USP10: variants seen among roughly 807,000 people sequenced by gnomAD.
USP10 encodes ubiquitin specific peptidase 10, also known as ubiquitin carboxyl-terminal hydrolase 10.
A neutral mutation model predicts 84.5 loss-of-function variants in USP10; 22 were observed. That is an observed-to-expected ratio of 0.26 (90% CI 0.19 to 0.37). The LOEUF (loss-of-function observed/expected upper bound fraction) is 0.37. Ranked by LOEUF, USP10 falls within the 10% of genes least tolerant of loss-of-function variation. USP10 has a pLI of 1.00. For synonymous variants in USP10, 454 were observed against 387.6 expected, an observed-to-expected ratio of 1.17 and a Z score of -2.01; for missense variants, 1,019 against 998.9, an observed-to-expected ratio of 1.02 and a Z score of -0.27.
In USP10 at chr16:84,766,729, A is replaced by G. The variant is rs74925684; in HGVS notation, c.1833-1464A>G. On this transcript the variant is annotated intron_variant, in intron 10 of 13. Transcript: ENST00000219473. ...GGCTCAGATTGAACAGCTCTGTCAC[A>G]GCTGCTAGCCACATCCTCTGAGGGG... Among the ~76,000 whole-genome samples the G allele has an allele frequency of 4.1e-3, 626 of 152,346 alleles. 5 individuals are homozygous for G. Among genetic ancestry groups the G allele is most frequent in the African/African-American group, 0.014 (593 of 41,586 alleles).
rs1402543205 is a variant in USP10 at position 84,778,968 on chromosome 16, C to G, written c.2283C>G (p.Gly761=). The change falls in exon 14 of 14, where the codon GGC becomes GGG. Residue 761 remains glycine (G), a synonymous_variant. Transcript: ENST00000219473. ...TTDVFQIGLN[G]WLRIDDQTVK... is the part of the protein sequence containing the mutation. ...ACGTCTTCCAGATCGGTCTGAATGG[C>G]TGGCTGCGCATCGATGACCAGACAG... 6.2e-7 allele frequency: 1 copy of G among 1,613,932 alleles called. No individual in the cohort carries two copies. Among genetic ancestry groups the G allele is most frequent in the East Asian group, 2.2e-5 (1 of 44,902 alleles).
rs546799570 is a variant in USP10 at position 84,762,981 on chromosome 16, CT to C, written c.1555-4del. 471 of 1,593,806 alleles carry C rather than the reference CT, an allele frequency of 3.0e-4. 1 individual carries two copies. The African/African-American group carries it at 5.4e-3, about 18-fold the overall frequency. On this transcript the variant is annotated splice_polypyrimidine_tract_variant and splice_region_variant and intron_variant, in intron 8 of 13. Transcript: ENST00000219473. ...TCACAGTAACGTGATTATATTTGACCTTTTCAGGGTCGACAAGAAGATGCTG... is the reference window on the plus strand; with the variant it reads ...TCACAGTAACGTGATTATATTTGACCTTTCAGGGTCGACAAGAAGATGCTG...
At chr16:84,740,497 A>G in intron 3 of USP10, 128 bp downstream of exon 3, 1 of 742,244 alleles carries the variant, frequency 1.3e-6, no homozygotes, top group Non-Finnish European at 2.2e-6. Flanking sequence ...TTTGCTGTAA[A>G]CTGTAATGTA....
intron 1 of USP10, among the ~76,000 whole-genome samples, chr16:84,713,267 C>G (rs1906544579): frequency 6.6e-6 from 1 of 152,140 alleles, no homozygotes; most frequent in South Asian, 2.1e-4. Flanking sequence ...TTGTCTGTCC[C>G]CGAGACCCTC....
chr16:84,771,541 A>G (rs1914452027), intron 11 of USP10, among the ~76,000 whole-genome samples: 1 of 152,158 alleles, frequency 6.6e-6, no homozygotes, highest in African/African-American at 2.4e-5. Context: ...TACTGGTATC[A>G]GTTTTATCAA....
intron 1 of USP10, among the ~76,000 whole-genome samples, chr16:84,717,212 C>G (rs1397175674): frequency 1.3e-5 from 2 of 151,866 alleles, no homozygotes; most frequent in African/African-American, 2.4e-5. Flanking sequence ...CTGTGAAGTT[C>G]TGAAATCATA....
chr16:84,707,276 G>T (rs982799880), intron 1 of USP10, among the ~76,000 whole-genome samples: 2 of 152,124 alleles, frequency 1.3e-5, no homozygotes, highest in Non-Finnish European at 2.9e-5. Flanking sequence ...AATGAAATGT[G>T]CATTTAGAAA....
At chr16:84,772,500 T>G in intron 11 of USP10, 41 bp from the exon 12 acceptor site, 1 of 1,609,412 alleles carries the variant, frequency 6.2e-7, no homozygotes, top group Non-Finnish European at 8.5e-7. Flanking sequence ...CTGTTGCAAG[T>G]AAGACAGGGA....
At chr16:84,769,733 A>G (rs1914227570) in intron 11 of USP10, among the ~76,000 whole-genome samples, 1 of 152,124 alleles carries the variant, frequency 6.6e-6, no homozygotes, top group Non-Finnish European at 1.5e-5. Flanking sequence ...GGAGGTGGTC[A>G]GCCTTTCCAT....
chr16:84,760,486 T>C (rs1220977143), intron 8 of USP10, among the ~76,000 whole-genome samples: 3 of 152,210 alleles, frequency 2.0e-5, no homozygotes, highest in African/African-American at 4.8e-5. Flanking sequence ...GAATAAAGTA[T>C]GATTATGGTC....
intron 1 of USP10, among the ~76,000 whole-genome samples, chr16:84,726,745 G>A (rs1597312617): frequency 6.6e-6 from 1 of 152,222 alleles, no homozygotes; most frequent in South Asian, 2.1e-4. Context: ...GGAATAAATA[G>A]CTTCTCTAGT....
At chr16:84,735,120 G>A (rs759460360) in intron 2 of USP10, among the ~76,000 whole-genome samples, 8 of 151,542 alleles carry the variant, frequency 5.3e-5, no homozygotes, top group South Asian at 2.1e-4. Flanking sequence ...TTGACCCCCC[G>A]CCCCGCCTCA....
intron 1 of USP10, 32 bp from the exon 2 acceptor site, chr16:84,733,403 A>G (rs1420284301): frequency 6.7e-7 from 1 of 1,487,032 alleles, no homozygotes; most frequent in Non-Finnish European, 9.3e-7. Flanking sequence ...TGTATATTTT[A>G]TGTGATCAGT....
chr16:84,703,067 T>C (rs1359239113), intron 1 of USP10, among the ~76,000 whole-genome samples: 2 of 151,564 alleles, frequency 1.3e-5, no homozygotes, highest in Non-Finnish European at 1.5e-5. Context: ...AATAACCTTA[T>C]TTCCAAATAT....
rs922239871 is a variant in USP10 at position 84,729,672 on chromosome 16, G to A, written c.22-3763G>A. On this transcript the variant is annotated intron_variant, in intron 1 of 13. Transcript: ENST00000219473. Reference sequence around the variant, plus strand: ...TTTCAGTTATAAAATCGAAAGGACCGGTTTTAAATATTGCTGAAGTGTAAC... The same window carrying A: ...TTTCAGTTATAAAATCGAAAGGACCAGTTTTAAATATTGCTGAAGTGTAAC... Among the ~76,000 whole-genome samples the A allele has an allele frequency of 5.3e-5, 8 of 152,178 alleles. No individual in the cohort carries two copies. In the East Asian group the frequency reaches 1.2e-3, roughly 22 times the overall value.
intron 1 of USP10, among the ~76,000 whole-genome samples, chr16:84,720,062 G>A (rs376972081): frequency 2.6e-5 from 4 of 152,184 alleles, no homozygotes; most frequent in African/African-American, 9.7e-5. Context: ...TCTTAACACC[G>A]GAAGGAGAGG....
At chr16:84,750,165 T>C (rs1398752313) in intron 4 of USP10, among the ~76,000 whole-genome samples, 2 of 152,122 alleles carry the variant, frequency 1.3e-5, no homozygotes, top group Non-Finnish European at 2.9e-5. Context: ...CCCAGCACTT[T>C]CGGAGGTTGA....
chr16:84,704,935 A>G (rs963957348), intron 1 of USP10: 8 of 1,532,110 alleles, frequency 5.2e-6, no homozygotes, highest in African/African-American at 4.1e-5. Context: ...TTGGGCTCAC[A>G]TGAGAATTGT....
intron 1 of USP10, among the ~76,000 whole-genome samples, chr16:84,700,440 C>T (rs970589492): frequency 7.2e-5 from 11 of 151,900 alleles, no homozygotes; most frequent in Non-Finnish European, 1.5e-4. Flanking sequence ...GAGTGGGGCC[C>T]TCCCCGCCGC....
Sources: gnomAD v4.1 joint callset for allele counts (sites outside exome capture counted in the v4.1 genomes callset) on GRCh38, gnomAD v4.1.1 for gene constraint, MANE v1.5 for transcripts, NCBI Gene and HGNC (gene_info 2026-07-23, HGNC 2026-07-21) for gene names.